The following MAST4 variants were observed in gnomAD, a reference collection of about 807,000 sequenced individuals.
MAST4 encodes microtubule-associated serine/threonine-protein kinase 4.
Under a neutral mutation model 162.7 loss-of-function variants are expected in MAST4, and 89 were observed. The observed-to-expected ratio is 0.55, with a 90% CI of 0.46 to 0.65. MAST4 has a LOEUF of 0.65. Among genes scored for constraint, MAST4 ranks in the 30% least tolerant of loss-of-function variants. MAST4 has a pLI of 0.00. For synonymous variants in MAST4, 1,479 were observed against 1,361.1 expected (o/e 1.09, Z -1.91); for missense variants, 3,153 against 3,374.0 (o/e 0.93, Z 1.62).
chr5:66,848,638 C>A (rs568939689), intron 3 of MAST4, among the ~76,000 whole-genome samples: 3 of 152,168 alleles, frequency 2.0e-5, no homozygotes, highest in African/African-American at 7.2e-5. Flanking sequence ...TCTCATCTGT[C>A]GACTCTTAGA....
At chr5:66,922,881 G>A (rs912498423) in intron 4 of MAST4, among the ~76,000 whole-genome samples, 2 of 152,098 alleles carry the variant, frequency 1.3e-5, no homozygotes, top group African/African-American at 4.8e-5. Context: ...TCCAATTTAG[G>A]GCGGCACATG....
rs1773587413 is a variant in MAST4 at position 67,164,194 on chromosome 5, A to G, written c.5015A>G (p.Glu1672Gly). ...EGTEKSSQAKELLRCEKLDSK... is the reference protein window; with the variant it reads ...EGTEKSSQAKGLLRCEKLDSK... ...ACGGAGAAGTCCTCCCAGGCCAAGG[A>G]GCTTCTCCGATGTGAAAAGTTAGAC... is the stretch of plus-strand genomic sequence containing the variant. Residue 1672 changes from glutamate to glycine, a missense_variant, in exon 29 of 29, where the codon GAG becomes GGG. Glu to Gly is a moderately conservative substitution (Grantham distance 98, BLOSUM62 -2). This residue lies in a region of MAST4 where 1,644 missense variants were observed against 1,495.0 expected (regional missense o/e 1.10). Transcript: ENST00000403625. The surrounding 1 kb of genome is among the most constrained non-coding windows in gnomAD (Gnocchi z 5.3). The G allele has an allele frequency of 6.2e-7, 1 of 1,612,680 alleles. No individual in the cohort carries two copies. Among genetic ancestry groups the G allele is most frequent in the Non-Finnish European group, 8.5e-7 (1 of 1,179,396 alleles).
intron 3 of MAST4, among the ~76,000 whole-genome samples, chr5:66,839,307 T>C (rs1758253702): frequency 6.6e-6 from 1 of 152,126 alleles, no homozygotes; most frequent in Admixed American, 6.6e-5. Flanking sequence ...CAGTAAGCAG[T>C]TGGATATGTA....
At position 67,165,762 on chromosome 5, in the gene MAST4, C is replaced by T. The variant is rs1773847180; in HGVS notation, c.6583C>T (p.Arg2195Trp). ...AHSESSSHKP[R>W]PGPDPGPPKT... ...CAGTGAAAGCAGCAGCCACAAGCCC[C>T]GGCCTGGCCCTGACCCGGGCCCTCC... The change falls in exon 29 of 29, where the codon CGG becomes TGG. Residue 2195 changes from arginine (R) to tryptophan (W), a missense_variant. Physicochemically the swap from Arg to Trp is moderately radical, Grantham distance 101. Coordinates refer to ENST00000403625, the MANE Select transcript of MAST4 (RefSeq NM_001164664.2). 1 of 1,595,922 alleles carries T rather than the reference C, an allele frequency of 6.3e-7. No individual in the cohort carries two copies. The highest frequency in any genetic ancestry group is 8.5e-7 in the Non-Finnish European group (1 of 1,171,728).
At chr5:66,733,808 A>G (rs1236330939) in intron 1 of MAST4, among the ~76,000 whole-genome samples, 1 of 152,092 alleles carries the variant, frequency 6.6e-6, no homozygotes, top group Non-Finnish European at 1.5e-5. Flanking sequence ...ATAACAGAAA[A>G]TGTGCATTGT....
chr5:66,637,113 T>C (rs1458258768), intron 1 of MAST4, among the ~76,000 whole-genome samples: 1 of 152,226 alleles, frequency 6.6e-6, no homozygotes, highest in Non-Finnish European at 1.5e-5. Flanking sequence ...TTTAGCAATC[T>C]AGTTTTTCCC....
Position 67,149,496 on chromosome 5 carries a change from C to T in MAST4, c.3202C>T (p.Arg1068Trp), listed in dbSNP as rs536089172. The change falls in exon 24 of 29, where the codon CGG becomes TGG. Residue 1068 changes from arginine (R) to tryptophan (W), a missense_variant. Arg to Trp is a moderately radical substitution (Grantham distance 101). Transcript: ENST00000403625. ...PSSEPASHMA[R>W]QRLESTEKKK... ...CAGTGAACCCGCTTCTCACATGGCT[C>T]GGCAGCGATTAGAAAGCACAGAAAA... is the stretch of plus-strand genomic sequence containing the variant. The T allele has an allele frequency of 2.5e-6, 4 of 1,613,742 alleles. No homozygotes were observed. The highest frequency in any genetic ancestry group is 1.7e-5 in the Admixed American group (1 of 59,978).
At chr5:66,978,688 T>C (rs768622381) in intron 4 of MAST4, among the ~76,000 whole-genome samples, 4 of 152,140 alleles carry the variant, frequency 2.6e-5, no homozygotes, top group African/African-American at 9.7e-5. Context: ...AAAGGGATGA[T>C]GTAGACATGT....
intron 4 of MAST4, among the ~76,000 whole-genome samples, chr5:66,951,636 G>GTGTGTGTGTGTGTATGTA (rs1744712658): frequency 3.6e-4 from 53 of 145,378 alleles, no homozygotes; most frequent in Middle Eastern, 3.5e-3. Flanking sequence ...GTGTGTGTGT[G>GTGTGTGTGTGTGTATGTA]TGTGTGTGTG....
At chr5:67,135,580 G>A (rs1769508525) in intron 18 of MAST4, among the ~76,000 whole-genome samples, 1 of 152,196 alleles carries the variant, frequency 6.6e-6, no homozygotes, top group African/African-American at 2.4e-5. Context: ...TGCAAGCCTT[G>A]CATATTTGTA....
chr5:67,025,786 G>A (rs1461756733), intron 4 of MAST4, among the ~76,000 whole-genome samples: 1 of 152,202 alleles, frequency 6.6e-6, no homozygotes, highest in African/African-American at 2.4e-5. Context: ...TATAGGAAAG[G>A]AGTAGAGTAA....
intron 3 of MAST4, among the ~76,000 whole-genome samples, chr5:66,874,352 A>G (rs1308760213): frequency 6.6e-6 from 1 of 152,114 alleles, no homozygotes; most frequent in Non-Finnish European, 1.5e-5. Flanking sequence ...CAGGGACATG[A>G]TCTGGTGGAC....
At chr5:67,123,664 CT>C (rs1377495458) in intron 14 of MAST4, among the ~76,000 whole-genome samples, 1 of 152,214 alleles carries the variant, frequency 6.6e-6, no homozygotes, top group Non-Finnish European at 1.5e-5. Context: ...GGTCCTACCT[CT>C]TCCAGTGAAC....
chr5:66,965,225 CTTTTTTT>C (rs1187971815), intron 4 of MAST4, among the ~76,000 whole-genome samples: 6 of 84,898 alleles, frequency 7.1e-5, no homozygotes, highest in African/African-American at 1.4e-4. Context: ...TTTTTTTTTG[CTTTTTTT>C]TTTTTTTTTT....
intron 6 of MAST4, among the ~76,000 whole-genome samples, chr5:67,094,922 C>G (rs993568951): frequency 2.6e-5 from 4 of 152,204 alleles, no homozygotes; most frequent in African/African-American, 9.6e-5. Context: ...ACTCTGCCCC[C>G]ACTGTTGACT....
At chr5:66,801,267 G>A (rs1279684369) in intron 3 of MAST4, among the ~76,000 whole-genome samples, 1 of 152,134 alleles carries the variant, frequency 6.6e-6, no homozygotes, top group East Asian at 1.9e-4. Context: ...GGGACCTGGA[G>A]GCAAATTCGG....
chr5:66,750,624 G>A (rs897121652), intron 1 of MAST4, among the ~76,000 whole-genome samples: 12 of 152,174 alleles, frequency 7.9e-5, no homozygotes, highest in Non-Finnish European at 1.3e-4. Context: ...ATTATATCCC[G>A]CACCTGGCTC....
At chr5:67,104,032 A>G (rs1765328170) in intron 9 of MAST4, among the ~76,000 whole-genome samples, 1 of 152,190 alleles carries the variant, frequency 6.6e-6, no homozygotes, top group Non-Finnish European at 1.5e-5. Flanking sequence ...TTTTTATAGC[A>G]ACTTTTTAAG....
chr5:66,676,229 G>T (rs550872743), intron 1 of MAST4, among the ~76,000 whole-genome samples: 4 of 152,234 alleles, frequency 2.6e-5, no homozygotes, highest in Non-Finnish European at 5.9e-5. Context: ...AGCACAGGTG[G>T]TGTGTCCGTG....
Sources: allele counts gnomAD v4.1 joint callset (sites outside exome capture counted in the v4.1 genomes callset), GRCh38; gene constraint gnomAD v4.1.1; regional missense constraint gnomAD v4.1.1; non-coding constraint Gnocchi (gnomAD v3.1); transcripts MANE v1.5; gene names NCBI Gene and HGNC (gene_info 2026-07-23, HGNC 2026-07-21).